NOTCH2NLC: variants seen among roughly 807,000 people sequenced by gnomAD.
NOTCH2NLC encodes the protein notch 2 N-terminal like C.
Under a neutral mutation model 17.7 loss-of-function variants are expected in NOTCH2NLC, and 4 were observed. That is an observed-to-expected ratio of 0.23 (90% CI 0.11 to 0.52). The LOEUF (loss-of-function observed/expected upper bound fraction) is 0.52, where lower values mean the gene tolerates loss of function less well. Among genes scored for constraint, NOTCH2NLC ranks in the 20% least tolerant of loss-of-function variants. The pLI is 0.96. For missense variants in NOTCH2NLC, 57 were observed against 207.2 expected (o/e 0.28, Z 4.45); for synonymous variants, 18 against 86.0 (o/e 0.21, Z 4.38).
At chr1:149,458,103 G>A (rs1182537256) in intron 3 of NOTCH2NLC, among the ~76,000 whole-genome samples, 1 of 106,056 alleles carries the variant, frequency 9.4e-6, no homozygotes, top group Admixed American at 9.8e-5. Flanking sequence ...CTTACATAAA[G>A]TTAACGATAC....
In NOTCH2NLC at chr1:149,466,277, G is replaced by GTATATATATATATATATA. The variant is rs1184842539; in HGVS notation, c.*2139_*2140insATATATATATATATATAT. Reference sequence around the variant, plus strand: ...GTGTGTGTGTGTGTGTGTGTGTGTGGTATATATATATATATCGCATTGTGC... The same window carrying GTATATATATATATATATA: ...GTGTGTGTGTGTGTGTGTGTGTGTGGTATATATATATATATATATATATATATATATATCGCATTGTGC... On this transcript the variant is annotated 3_prime_UTR_variant, in exon 5 of 5. Transcript: ENST00000650865. The GTATATATATATATATATA allele has an allele frequency of 3.8e-4, 54 of 142,534 alleles. 1 individual carries two copies. The highest frequency in any genetic ancestry group is 1.1e-3 in the African/African-American group (40 of 37,908). The allele number at this position is 142,534 out of a possible 1,614,324, so 8.8% of individuals were successfully genotyped here. A position where few individuals can be genotyped will look rare whatever the true frequency, so the allele number is the denominator to read the frequency against.
rs2084672577 is a variant in NOTCH2NLC at position 149,464,422 on chromosome 1, GT to G, written c.*271del. On this transcript the variant is annotated 3_prime_UTR_variant, in exon 5 of 5. Coordinates refer to ENST00000650865, the MANE Select transcript of NOTCH2NLC (RefSeq NM_001364013.2). The stretch of plus-strand genomic sequence containing the variant: ...TCTGAAACTGAGGAGGGGATCCTCT[GT>G]TAATCAGTGAGCACTTTTTGATGAG... 2.6e-5 allele frequency: 4 copies of G among 153,930 alleles called. No individual in the cohort carries two copies. Among genetic ancestry groups the G allele is most frequent in the African/African-American group, 1.0e-4 (4 of 39,162 alleles). 9.5% of individuals were successfully genotyped at this position (153,930 alleles called of 1,614,324 possible).
chr1:149,457,318 C>T (rs2084619370), intron 3 of NOTCH2NLC, among the ~76,000 whole-genome samples: 1 of 35,980 alleles, frequency 2.8e-5, no homozygotes, highest in Non-Finnish European at 5.7e-5. Context: ...TTTTCTCCTG[C>T]TTTAAGCACT....
intron 1 of NOTCH2NLC, among the ~76,000 whole-genome samples, chr1:149,408,518 G>T (rs1570901808): frequency 1.3e-5 from 2 of 148,892 alleles, no homozygotes; most frequent in East Asian, 4.0e-4. Context: ...TGAGGAAATA[G>T]AAAATGTTTT....
chr1:149,462,112 C>G (rs1277196464), intron 3 of NOTCH2NLC, among the ~76,000 whole-genome samples: 1 of 144,952 alleles, frequency 6.9e-6, no homozygotes, highest in African/African-American at 2.6e-5. Context: ...GCACGTGTAC[C>G]CTAGAACTTA....
rs1242367953 is a variant in NOTCH2NLC at position 149,413,521 on chromosome 1, A to G, written c.136-17421A>G. Among the ~76,000 whole-genome samples, 4 of 151,418 alleles carry G rather than the reference A, an allele frequency of 2.6e-5. No individual in the cohort carries two copies. The South Asian group carries it at 6.3e-4, about 24-fold the overall frequency. ...CAGTGCCAAGCTGTAAGCATGTTGC[A>G]TATATTAACTTGTTTAATTACCAAT... On this transcript the variant is annotated intron_variant, in intron 1 of 4. Transcript: ENST00000650865.
chr1:149,419,969 C>G (rs2084370240), intron 1 of NOTCH2NLC, among the ~76,000 whole-genome samples: 1 of 139,452 alleles, frequency 7.2e-6, no homozygotes. Flanking sequence ...CGGGTTCATG[C>G]CATTCTCCTG....
At chr1:149,415,205 C>T (rs2084328686) in intron 1 of NOTCH2NLC, among the ~76,000 whole-genome samples, 1 of 89,958 alleles carries the variant, frequency 1.1e-5, no homozygotes, top group Non-Finnish European at 2.2e-5. Context: ...GGGGAATCTA[C>T]CAGAGTGTCC....
chr1:149,432,589 G>A (rs1211656910), intron 2 of NOTCH2NLC, among the ~76,000 whole-genome samples: 4 of 151,012 alleles, frequency 2.6e-5, no homozygotes, highest in Admixed American at 2.6e-4. Context: ...GTGGCATTTG[G>A]TGCCTTAGTT....
intron 1 of NOTCH2NLC, among the ~76,000 whole-genome samples, chr1:149,426,837 A>G (rs1352280763): frequency 6.7e-6 from 1 of 149,738 alleles, no homozygotes; most frequent in Non-Finnish European, 1.5e-5. Context: ...TGTTAAATTT[A>G]AGTGTTTTAC....
At chr1:149,445,686 G>A (rs1443863101) in intron 2 of NOTCH2NLC, among the ~76,000 whole-genome samples, 2 of 150,914 alleles carry the variant, frequency 1.3e-5, no homozygotes, top group Non-Finnish European at 3.0e-5. Context: ...AGCCCAGAGG[G>A]AGTAAAGAGG....
intron 1 of NOTCH2NLC, among the ~76,000 whole-genome samples, chr1:149,417,479 AG>A (rs1401421067): frequency 5.3e-5 from 8 of 151,346 alleles, no homozygotes; most frequent in African/African-American, 1.9e-4. Flanking sequence ...AGTAGGTAAA[AG>A]ACTTGTGCTC....
In NOTCH2NLC at chr1:149,417,149, GC is replaced by G. The variant is rs1307840894; in HGVS notation, c.136-13790del. ...TTTTGAGACAGAGTCTCGCTCTTTC[GC>G]CCAGGCTGGAGTGCAGTGGCGCGAT... On this transcript the variant is annotated intron_variant, in intron 1 of 4. Transcript: ENST00000650865. Among the ~76,000 whole-genome samples the G allele has an allele frequency of 1.1e-4, 12 of 106,702 alleles. No individual in the cohort carries two copies. In the South Asian group the frequency reaches 2.9e-3, roughly 26 times the overall value. The allele number at this position is 106,702 out of a possible 152,430, so 70.0% of individuals were successfully genotyped here.
At chr1:149,415,121 CTTT>C (rs1253861178) in intron 1 of NOTCH2NLC, among the ~76,000 whole-genome samples, 1 of 94,754 alleles carries the variant, frequency 1.1e-5, no homozygotes, top group Non-Finnish European at 2.1e-5. Flanking sequence ...GTAAAGGCTC[CTTT>C]TTTTTTTTTT....
rs1298529771 is a variant in NOTCH2NLC at position 149,390,826 on chromosome 1, CGGCGGA to C, written c.42_47del (p.Gly17_Gly18del). ...CAGGCGGCGGCGGCGGCGGCGGCGGCGGCGGAGGAGGCGGCGACCGAGAAGATGCCC... is the reference window on the plus strand; with the variant it reads ...CAGGCGGCGGCGGCGGCGGCGGCGGCGGAGGCGGCGACCGAGAAGATGCCC... On this transcript the variant is annotated inframe_deletion, in exon 1 of 5. Coordinates refer to ENST00000650865, the MANE Select transcript of NOTCH2NLC (RefSeq NM_001364013.2). 1.1e-5 allele frequency: 14 copies of C among 1,329,450 alleles called. 1 individual carries two copies. The East Asian group carries it at 1.3e-4, about 13-fold the overall frequency. The allele number at this position is 1,329,450 out of a possible 1,614,324, so 82.4% of individuals were successfully genotyped here. A position where few individuals can be genotyped will look rare whatever the true frequency, so the allele number is the denominator to read the frequency against.
chr1:149,455,213 A>AT (rs2084609715), intron 2 of NOTCH2NLC, 105 bp from the exon 3 acceptor site: 1 of 408,098 alleles, frequency 2.5e-6, no homozygotes, highest in African/African-American at 4.5e-5. Flanking sequence ...AGGTCTGTTG[A>AT]TTCACAATCT....
At chr1:149,404,329 A>G (rs1309035377) in intron 1 of NOTCH2NLC, among the ~76,000 whole-genome samples, 1 of 151,384 alleles carries the variant, frequency 6.6e-6, no homozygotes. Context: ...ATTGTCTTTT[A>G]TTGCAACCTC....
rs1449720683 is a variant in NOTCH2NLC at position 149,415,550 on chromosome 1, A to G, written c.136-15392A>G. Among the ~76,000 whole-genome samples the G allele has an allele frequency of 2.8e-5, 4 of 141,072 alleles. No individual in the cohort carries two copies. The East Asian group carries it at 6.6e-4, about 23-fold the overall frequency. The allele number at this position is 141,072 out of a possible 152,430, so 92.5% of individuals were successfully genotyped here. A position where few individuals can be genotyped will look rare whatever the true frequency, so the allele number is the denominator to read the frequency against. ...ATACTAGATATGTAGGTGTTTCCAA[A>G]TATTTTTTTCAGTTGTGGGGGTACA... On this transcript the variant is annotated intron_variant, in intron 1 of 4. Transcript: ENST00000650865.
At chr1:149,432,430 T>G (rs2084456580) in intron 2 of NOTCH2NLC, among the ~76,000 whole-genome samples, 1 of 151,158 alleles carries the variant, frequency 6.6e-6, no homozygotes, top group Admixed American at 6.6e-5. Context: ...TTATGTAGCT[T>G]ATTATGGGCT....
Sources: gnomAD v4.1 joint callset for allele counts (sites outside exome capture counted in the v4.1 genomes callset) on GRCh38, gnomAD v4.1.1 for gene constraint, MANE v1.5 for transcripts, NCBI Gene and HGNC (gene_info 2026-07-23, HGNC 2026-07-21) for gene names.